Variants in LGALS8 observed in about 807,000 individuals in gnomAD.
LGALS8 encodes the protein galectin-8.
In LGALS8, 30 loss-of-function variants were observed where a neutral mutation model predicts 35.9. The observed-to-expected ratio is 0.83, with a 90% CI of 0.62 to 1.13. The LOEUF (loss-of-function observed/expected upper bound fraction) is 1.13, where lower values mean the gene tolerates loss of function less well. LGALS8 is among the 50% of genes most tolerant of loss of function. LGALS8 has a pLI of 0.00. For synonymous variants in LGALS8, 138 were observed against 136.1 expected (o/e 1.01, Z -0.10); for missense variants, 366 against 388.7 (o/e 0.94, Z 0.49).
chr1:236,532,149 A>G (rs926692919), intron 2 of LGALS8, among the ~76,000 whole-genome samples: 10 of 152,110 alleles, frequency 6.6e-5, no homozygotes, highest in Non-Finnish European at 1.3e-4. Context: ...TAACCATATT[A>G]TTTGCATGAA....
intron 2 of LGALS8, 76 bp from the exon 3 acceptor site, chr1:236,537,421 A>T: frequency 1.2e-6 from 1 of 856,786 alleles, no homozygotes. Context: ...CTCTATCAAT[A>T]ATGAGTGTGG....
chr1:236,547,562 G>C (rs1374405928), intron 9 of LGALS8, among the ~76,000 whole-genome samples: 1 of 151,964 alleles, frequency 6.6e-6, no homozygotes, highest in African/African-American at 2.4e-5. Context: ...AGAAAAGTCA[G>C]TCAGGATCCA....
chr1:236,518,607 C>T (rs1358624866), upstream of LGALS8: 1 of 152,058 alleles, frequency 6.6e-6, no homozygotes, highest in Non-Finnish European at 1.5e-5. Context: ...TATGTGTTCT[C>T]GGCGCTCACA....
chr1:236,546,485 A>G (rs1445140859), intron 9 of LGALS8, among the ~76,000 whole-genome samples: 2 of 151,776 alleles, frequency 1.3e-5, no homozygotes, highest in Non-Finnish European at 2.9e-5. Flanking sequence ...AGTTTTTTAA[A>G]AACAATCTCA....
intron 8 of LGALS8, among the ~76,000 whole-genome samples, chr1:236,544,540 T>C (rs1272408556): frequency 6.6e-6 from 1 of 152,136 alleles, no homozygotes; most frequent in South Asian, 2.1e-4. Flanking sequence ...GGTTTTTTTT[T>C]TCGTATTTTT....
At chr1:236,528,142 G>A (rs1479896382) in intron 2 of LGALS8, among the ~76,000 whole-genome samples, 1 of 152,156 alleles carries the variant, frequency 6.6e-6, no homozygotes. Flanking sequence ...CAGCACTTTG[G>A]GAGGCCGAGG....
At position 236,537,021 on chromosome 1, in the gene LGALS8, C is replaced by CTTTTTTTTG. The variant is rs562338325; in HGVS notation, c.46-468_46-467insGTTTTTTTT. 1.1e-4 allele frequency among the ~76,000 whole-genome samples: 15 copies of CTTTTTTTTG among 137,888 alleles called. 1 individual carries two copies. The highest frequency in any genetic ancestry group is 2.2e-4 in the East Asian group (1 of 4,548). The allele number at this position is 137,888 out of a possible 152,430, so 90.5% of individuals were successfully genotyped here. A position where few individuals can be genotyped will look rare whatever the true frequency, so the allele number is the denominator to read the frequency against. On this transcript the variant is annotated intron_variant, in intron 2 of 9. Transcript: ENST00000366584. ...ATCCTGGCCATGAGGTATGCAGTTC[C>CTTTTTTTTG]TTTTTTTTTTTTTGAGACGGAGCCT... is the stretch of plus-strand genomic sequence containing the variant.
At chr1:236,524,337 C>T in intron 1 of LGALS8, 1 of 456,052 alleles carries the variant, frequency 2.2e-6, no homozygotes, top group Non-Finnish European at 4.4e-6. Flanking sequence ...TGGCTGGGGT[C>T]AGGCTGTTTG....
intron 9 of LGALS8, among the ~76,000 whole-genome samples, chr1:236,545,801 CAGAAAGCTG>C (rs1662327597): frequency 6.6e-6 from 1 of 152,044 alleles, no homozygotes; most frequent in Non-Finnish European, 1.5e-5. Flanking sequence ...GTTTGGAATT[CAGAAAGCTG>C]GGAAGGATGT....
At chr1:236,525,321 C>T (rs1220342937) in intron 1 of LGALS8, 1 of 152,068 alleles carries the variant, frequency 6.6e-6, no homozygotes, top group African/African-American at 2.4e-5. Context: ...CTGTAATTCT[C>T]ATTTTATGGA....
chr1:236,541,613 C>T, intron 5 of LGALS8, 41 bp from the exon 6 acceptor site: 1 of 869,982 alleles, frequency 1.1e-6, no homozygotes, highest in Non-Finnish European at 1.8e-6. Context: ...AAAATATTTT[C>T]TACTGGATGT....
Position 236,552,087 on chromosome 1 carries a change from A to G in LGALS8, c.*3926A>G. On this transcript the variant is annotated 3_prime_UTR_variant, in exon 10 of 10. Transcript: ENST00000366584. ...GTTTTTCAGCCAGTGCTAACACAGT[A>G]ATCAAAGCAGCAAATCGAACCTGAA... The G allele has an allele frequency of 6.2e-7, 1 of 1,612,384 alleles. No individual in the cohort carries two copies. Among genetic ancestry groups the G allele is most frequent in the Non-Finnish European group, 8.5e-7 (1 of 1,178,932 alleles).
chr1:236,525,214 G>A (rs1360455390), intron 1 of LGALS8, among the ~76,000 whole-genome samples: 1 of 152,120 alleles, frequency 6.6e-6, no homozygotes, highest in Non-Finnish European at 1.5e-5. Flanking sequence ...AGGAGGAAGA[G>A]CAATTCTTTC....
chr1:236,543,362 G>C, intron 7 of LGALS8, 198 bp from the exon 8 acceptor site: 1 of 694,890 alleles, frequency 1.4e-6, no homozygotes. Flanking sequence ...CGTCTAAAAT[G>C]TAATCATGTG....
At chr1:236,544,048 G>A (rs1662205196) in intron 8 of LGALS8, among the ~76,000 whole-genome samples, 1 of 151,980 alleles carries the variant, frequency 6.6e-6, no homozygotes, top group South Asian at 2.1e-4. Context: ...GGGTGTTCAA[G>A]CCATTCTCCT....
chr1:236,540,733 G>T, intron 5 of LGALS8, 50 bp downstream of exon 5: 1 of 1,519,424 alleles, frequency 6.6e-7, no homozygotes. Flanking sequence ...GGTTTCTGAT[G>T]AGATGGTAGA....
chr1:236,551,015 AATT>A lies in LGALS8; in HGVS notation c.*2856_*2858del. ...TCTAAAAAAAAAAAAAAAAAATCAA[AATT>A]AAAATCTGAGTCAGTCCGCCTGCCT... On this transcript the variant is annotated 3_prime_UTR_variant, in exon 10 of 10. Transcript: ENST00000366584. The A allele has an allele frequency of 6.5e-7, 1 of 1,531,874 alleles. No homozygotes were observed. The highest frequency in any genetic ancestry group is 8.9e-7 in the Non-Finnish European group (1 of 1,128,138). The allele number at this position is 1,531,874 out of a possible 1,614,324, so 94.9% of individuals were successfully genotyped here. A position where few individuals can be genotyped will look rare whatever the true frequency, so the allele number is the denominator to read the frequency against.
chr1:236,546,476 GT>G (rs1662370007), intron 9 of LGALS8, among the ~76,000 whole-genome samples: 1 of 151,820 alleles, frequency 6.6e-6, no homozygotes, highest in Admixed American at 6.6e-5. Context: ...TGTATCTACA[GT>G]TTTTTAAAAA....
intron 2 of LGALS8, among the ~76,000 whole-genome samples, chr1:236,536,011 A>G (rs1661472966): frequency 1.3e-5 from 2 of 152,210 alleles, no homozygotes; most frequent in Admixed American, 1.3e-4. Flanking sequence ...CATGCAGCTC[A>G]CAGTCTAGGC....
Sources: gnomAD v4.1 joint callset for allele counts (sites outside exome capture counted in the v4.1 genomes callset) on GRCh38, gnomAD v4.1.1 for gene constraint, MANE v1.5 for transcripts, NCBI Gene and HGNC (gene_info 2026-07-23, HGNC 2026-07-21) for gene names.